Variants in COL11A1 observed in about 807,000 individuals in gnomAD.
COL11A1 encodes the protein collagen alpha-1(XI) chain.
Under a neutral mutation model 265.2 loss-of-function variants are expected in COL11A1, and 74 were observed. That is an observed-to-expected ratio of 0.28 (90% CI 0.23 to 0.34). The LOEUF is 0.34. Among genes scored for constraint, COL11A1 ranks in the 10% least tolerant of loss-of-function variants. The pLI, the probability that COL11A1 is intolerant of heterozygous loss-of-function variation, is 1.00. For synonymous variants in COL11A1, 816 were observed against 727.6 expected, an observed-to-expected ratio of 1.12 and a Z score of -1.96; for missense variants, 2,165 against 2,263.6, an observed-to-expected ratio of 0.96 and a Z score of 0.88.
intron 31 of COL11A1, among the ~76,000 whole-genome samples, chr1:102,979,862 T>G (rs78607228): frequency 1.4e-3 from 210 of 152,284 alleles, no homozygotes; most frequent in Admixed American, 3.5e-3. Context: ...ATTAATATTA[T>G]CATATGTCTA....
intron 64 of COL11A1, among the ~76,000 whole-genome samples, chr1:102,882,468 C>A (rs772580448): frequency 3.3e-5 from 5 of 152,176 alleles, no homozygotes; most frequent in African/African-American, 2.4e-5. Context: ...CCTGCCCTTA[C>A]TACCCACTCT....
intron 4 of COL11A1, among the ~76,000 whole-genome samples, chr1:103,060,941 T>C (rs1448715408): frequency 6.6e-6 from 1 of 151,822 alleles, no homozygotes; most frequent in East Asian, 1.9e-4. Context: ...ATGATTTAAA[T>C]ACACTCATTA....
chr1:102,920,360 G>T lies in COL11A1; in HGVS notation c.3713C>A (p.Pro1238Gln). Residue 1238 changes from proline to glutamine, a missense_variant, in exon 49 of 67, where the codon CCA (proline) becomes CAA (glutamine). Physicochemically the swap from Pro to Gln is moderately conservative, Grantham distance 76 (BLOSUM62 -1). Coordinates refer to ENST00000370096, the MANE Select transcript of COL11A1 (RefSeq NM_001854.4). ...ACCAACAGACCCTGGGGGTCCTTGT[G>T]GTCCCTGCAGTGTAGAAAAAGGAAT... ...GPQGPNGADGPQGPPGSVGSV... is the reference protein window; with the variant it reads ...GPQGPNGADGQQGPPGSVGSV... 2 of 1,612,830 alleles carry T rather than the reference G, an allele frequency of 1.2e-6. No homozygotes were observed. The highest frequency in any genetic ancestry group is 1.7e-6 in the Non-Finnish European group (2 of 1,179,056).
At chr1:102,967,969 C>T (rs778283632) in intron 37 of COL11A1, among the ~76,000 whole-genome samples, 22 of 152,154 alleles carry the variant, frequency 1.4e-4, no homozygotes, top group Admixed American at 4.6e-4. Flanking sequence ...GTCTTGGCTG[C>T]TAGCCCATTT....
intron 4 of COL11A1, among the ~76,000 whole-genome samples, chr1:103,048,733 T>C (rs1032423593): frequency 7.9e-5 from 12 of 152,180 alleles, no homozygotes; most frequent in Admixed American, 7.2e-4. Context: ...CTTGTGGGCT[T>C]TTAGTGCTAT....
intron 41 of COL11A1, among the ~76,000 whole-genome samples, chr1:102,950,798 T>C (rs1456190023): frequency 6.6e-6 from 1 of 152,184 alleles, no homozygotes; most frequent in East Asian, 1.9e-4. Flanking sequence ...TCTTGCTTTA[T>C]AACCTCCATA....
At chr1:102,998,602 T>A (rs1443261916) in intron 24 of COL11A1, among the ~76,000 whole-genome samples, 1 of 151,764 alleles carries the variant, frequency 6.6e-6, no homozygotes, top group Non-Finnish European at 1.5e-5. Context: ...CTTAGATAGG[T>A]CTTTTTTTAA....
At chr1:103,080,461 AAAC>A in intron 2 of COL11A1, among the ~76,000 whole-genome samples, 1 of 152,020 alleles carries the variant, frequency 6.6e-6, no homozygotes, top group Non-Finnish European at 1.5e-5. Context: ...TAAGGAACTC[AAAC>A]AACTCAATAG....
chr1:103,001,629 G>T (rs529770197), intron 24 of COL11A1: 2 of 459,172 alleles, frequency 4.4e-6, no homozygotes, highest in South Asian at 5.8e-5. Context: ...AAGAAAAGGA[G>T]ACCTAAAATA....
Position 102,979,425 on chromosome 1 carries a change from C to G in COL11A1, c.2567G>C (p.Gly856Ala). The change falls in exon 32 of 67, where the codon GGA becomes GCA. Residue 856 changes from glycine (G) to alanine (A), a missense_variant. Physicochemically the swap from Gly to Ala is moderately conservative, Grantham distance 60. Transcript: ENST00000370096. Reference protein sequence around the residue: ...PGRQGPKGSTGFPGFPGANGE... With the variant: ...PGRQGPKGSTAFPGFPGANGE... ...ATTGGCACCTGGAAACCCAGGGAAT[C>G]CAGTGGAACCCTACAATAATAAAAG... 3 of 1,603,072 alleles carry G rather than the reference C, an allele frequency of 1.9e-6. No individual in the cohort carries two copies. Among genetic ancestry groups the G allele is most frequent in the Non-Finnish European group, 2.6e-6 (3 of 1,170,124 alleles).
intron 38 of COL11A1, among the ~76,000 whole-genome samples, chr1:102,965,016 A>G (rs1295490037): frequency 2.6e-5 from 4 of 152,092 alleles, no homozygotes; most frequent in African/African-American, 9.7e-5. Flanking sequence ...TCTGATATTC[A>G]TTATTATGAA....
intron 1 of COL11A1, among the ~76,000 whole-genome samples, chr1:103,094,695 T>C (rs376627224): frequency 2.0e-5 from 3 of 152,280 alleles, no homozygotes; most frequent in Non-Finnish European, 2.9e-5. Context: ...CTCATCCTTA[T>C]GTTTCTTAAG....
intron 8 of COL11A1, among the ~76,000 whole-genome samples, chr1:103,022,052 C>T (rs1392576640): frequency 6.9e-6 from 1 of 145,186 alleles, no homozygotes; most frequent in African/African-American, 2.5e-5. Context: ...GATCGGTTTT[C>T]GCCGTGTTGC....
chr1:103,081,917 T>A (rs1335497507), intron 2 of COL11A1, among the ~76,000 whole-genome samples: 1 of 151,984 alleles, frequency 6.6e-6, no homozygotes, highest in Non-Finnish European at 1.5e-5. Context: ...TCTGTGAAAT[T>A]CAGTTTCCTC....
At chr1:103,056,314 A>G (rs1437988108) in intron 4 of COL11A1, among the ~76,000 whole-genome samples, 4 of 152,212 alleles carry the variant, frequency 2.6e-5, no homozygotes, top group Non-Finnish European at 4.4e-5. Flanking sequence ...CATGTGTAAC[A>G]GACCCAAACC....
chr1:103,002,631 A>G, intron 22 of COL11A1, 116 bp downstream of exon 22: 1 of 1,126,080 alleles, frequency 8.9e-7, no homozygotes, highest in Non-Finnish European at 1.3e-6. Flanking sequence ...TGCAAGCTGT[A>G]TCTAATATAC....
At chr1:102,964,389 A>G (rs1231911144) in intron 38 of COL11A1, among the ~76,000 whole-genome samples, 1 of 152,202 alleles carries the variant, frequency 6.6e-6, no homozygotes, top group Admixed American at 6.5e-5. Context: ...GTTTTAACTA[A>G]AACTGATAAG....
rs1664609597 is a variant in COL11A1 at position 102,996,186 on chromosome 1, T to C, written c.2242-144A>G. ...ATAAAGACTTTTTGGTAGTTTACTC[T>C]TTATTTCTAGAAACAGATATGATGA... On this transcript the variant is annotated intron_variant, in intron 26 of 66. Coordinates refer to ENST00000370096, the MANE Select transcript of COL11A1 (RefSeq NM_001854.4). The C allele has an allele frequency of 2.4e-5, 19 of 778,574 alleles. No homozygotes were observed. In the South Asian group the frequency reaches 3.2e-4, roughly 13 times the overall value. The allele number at this position is 778,574 out of a possible 1,614,324, so 48.2% of individuals were successfully genotyped here.
chr1:102,974,026 C>T (rs1662225594), intron 36 of COL11A1, among the ~76,000 whole-genome samples: 1 of 152,060 alleles, frequency 6.6e-6, no homozygotes, highest in Non-Finnish European at 1.5e-5. Context: ...GGCCCCTGCC[C>T]CTCTCCAGAA....
Sources: gnomAD v4.1 joint callset for allele counts (sites outside exome capture counted in the v4.1 genomes callset) on GRCh38, gnomAD v4.1.1 for gene constraint, MANE v1.5 for transcripts, NCBI Gene and HGNC (gene_info 2026-07-23, HGNC 2026-07-21) for gene names.